The following ATP1A3 variants were observed in gnomAD, a reference collection of about 807,000 sequenced individuals.
ATP1A3 encodes the protein sodium/potassium-transporting ATPase subunit alpha-3.
ATP1A3 carries 12 observed loss-of-function variants against 108.8 expected under a neutral mutation model. That is an observed-to-expected ratio of 0.11 (90% confidence interval 0.07 to 0.18). ATP1A3 has a LOEUF of 0.18. Ranked by LOEUF, ATP1A3 falls within the 10% of genes least tolerant of loss-of-function variation. The pLI is 1.00. For synonymous variants in ATP1A3, 539 were observed against 564.5 expected (o/e 0.95, Z 0.64); for missense variants, 498 against 1,387.7 (o/e 0.36, Z 10.19).
chr19:41,967,925 G>A lies in ATP1A3; in HGVS notation c.2820-162C>T, dbSNP rs1483182688. On this transcript the variant is annotated intron_variant, in intron 20 of 22. Transcript: ENST00000648268. This position sits in a 1 kb window ranked among gnomAD's most constrained non-coding sequence, Gnocchi z 4.2. ...GGGAGAGACAGAGATGGGGAGACAT[G>A]CCCCGACAGAGAGAGACAAAGATAG... 6.6e-6 allele frequency among the ~76,000 whole-genome samples: 1 copy of A among 151,938 alleles called. No homozygotes were observed. Among genetic ancestry groups the A allele is most frequent in the Non-Finnish European group, 1.5e-5 (1 of 67,976 alleles).
rs541464159 is a variant in ATP1A3, at chr19:41,970,325, G to A, written c.2419-17C>T. 7.2e-5 allele frequency: 117 copies of A among 1,614,168 alleles called. No individual in the cohort carries two copies. The highest frequency in any genetic ancestry group is 3.6e-4 in the East Asian group (16 of 44,868). ...GGCAGGGACCTAGGCGGAGGAGGCC[G>A]GGTGAGCCGGAGAGGGGAGGACTCC... On this transcript the variant is annotated splice_polypyrimidine_tract_variant and intron_variant, in intron 17 of 22. Transcript: ENST00000648268.
intron 4 of ATP1A3, 195 bp from the exon 5 acceptor site, chr19:41,986,424 T>C: frequency 1.9e-6 from 1 of 537,350 alleles, no homozygotes; most frequent in Non-Finnish European, 3.4e-6. Flanking sequence ...TCTGTAATGG[T>C]TGTGTTTGAA....
chr19:41,976,029 C>T (rs1467573792), intron 15 of ATP1A3, among the ~76,000 whole-genome samples: 1 of 149,790 alleles, frequency 6.7e-6, no homozygotes, highest in Non-Finnish European at 1.5e-5. Flanking sequence ...TCCAGGCCCC[C>T]AGCCTCCTTC....
At position 41,985,806 on chromosome 19, in the gene ATP1A3, G is replaced by C. The variant is rs1156485673; in HGVS notation, c.606+58C>G. 35 of 1,605,112 alleles carry C rather than the reference G, an allele frequency of 2.2e-5. No individual in the cohort carries two copies. In the Admixed American group the frequency reaches 5.7e-4, roughly 26 times the overall value. On this transcript the variant is annotated intron_variant, in intron 6 of 22. Coordinates refer to ENST00000648268, the MANE Select transcript of ATP1A3 (RefSeq NM_152296.5). The surrounding 1 kb of genome is among the most constrained non-coding windows in gnomAD (Gnocchi z 8.2). ...CTGAGTGTGAGGGAGGAGGGGCTGG[G>C]CCTGAGCTCCTGGGCAGCCCGAGGG...
In ATP1A3 at chr19:41,988,655, C is replaced by T; in HGVS notation, c.7-93G>A. 6.2e-7 allele frequency: 1 copy of T among 1,606,924 alleles called. No homozygotes were observed. The highest frequency in any genetic ancestry group is 1.1e-5 in the South Asian group (1 of 90,952). On this transcript the variant is annotated intron_variant, in intron 1 of 22. Coordinates refer to ENST00000648268, the MANE Select transcript of ATP1A3 (RefSeq NM_152296.5). The surrounding 1 kb of genome is among the most constrained non-coding windows in gnomAD (Gnocchi z 5.3). ...CACCGGCCCTCCATGCCCCAGCTAT[C>T]CTCCTGGCCGGTGCCCCTGCATCTC...
At position 41,970,381 on chromosome 19, in the gene ATP1A3, G is replaced by T. The variant is rs782097468; in HGVS notation, c.2418+7C>A. ...CCTGGGCCCCAAGGGTGGCTGCCAG[G>T]GCTCACCATGTCAGTGCCCAGATCG... On this transcript the variant is annotated splice_region_variant and intron_variant, in intron 17 of 22. Transcript: ENST00000648268. 4 of 1,614,252 alleles carry T rather than the reference G, an allele frequency of 2.5e-6. No individual in the cohort carries two copies. The highest frequency in any genetic ancestry group is 3.4e-6 in the Non-Finnish European group (4 of 1,180,046).
rs1300902594 is a variant in ATP1A3, at chr19:41,967,871, A to G, written c.2820-108T>C. ...TGCAGACACCCAGAGACAGCAGCAC[A>G]GACACAGAGACAGAGAGGCAGAGAC... On this transcript the variant is annotated intron_variant, in intron 20 of 22. Coordinates refer to ENST00000648268, the MANE Select transcript of ATP1A3 (RefSeq NM_152296.5). This position sits in a 1 kb window ranked among gnomAD's most constrained non-coding sequence, Gnocchi z 4.2. 4 of 896,876 alleles carry G rather than the reference A, an allele frequency of 4.5e-6. No individual in the cohort carries two copies. The highest frequency in any genetic ancestry group is 7.3e-6 in the Non-Finnish European group (4 of 548,624). The allele number at this position is 896,876 out of a possible 1,614,324, so 55.6% of individuals were successfully genotyped here.
intron 1 of ATP1A3, among the ~76,000 whole-genome samples, chr19:41,989,564 C>T (rs959311915): frequency 1.3e-5 from 2 of 152,160 alleles, no homozygotes; most frequent in African/African-American, 2.4e-5. Flanking sequence ...CGTGATCCGC[C>T]CGTCTCGGCC....
chr19:41,975,882 C>T, intron 15 of ATP1A3, 85 bp from the exon 16 acceptor site: 2 of 1,569,828 alleles, frequency 1.3e-6, no homozygotes, highest in Non-Finnish European at 1.8e-6. Context: ...GGACCCCAGC[C>T]CCCTCCTCCT....
intron 1 of ATP1A3, among the ~76,000 whole-genome samples, chr19:41,991,445 G>T (rs1332476567): frequency 2.6e-5 from 4 of 152,194 alleles, no homozygotes; most frequent in African/African-American, 9.7e-5. Context: ...GGGACGGGGA[G>T]ACCATCTTTC....
At chr19:41,991,075 G>A (rs1555867154) in intron 1 of ATP1A3, 1 of 152,400 alleles carries the variant, frequency 6.6e-6, no homozygotes, top group Non-Finnish European at 1.5e-5. Flanking sequence ...AGTCCCTGAA[G>A]TTCCAGTTTG....
In ATP1A3 at chr19:41,978,094, G is replaced by C. The variant is rs781964931; in HGVS notation, c.1807-22C>G. 1 of 1,614,212 alleles carries C rather than the reference G, an allele frequency of 6.2e-7. No individual in the cohort carries two copies. The highest frequency in any genetic ancestry group is 1.1e-5 in the South Asian group (1 of 91,092). On this transcript the variant is annotated intron_variant, in intron 13 of 22. Coordinates refer to ENST00000648268, the MANE Select transcript of ATP1A3 (RefSeq NM_152296.5). The surrounding 1 kb of genome is among the most constrained non-coding windows in gnomAD (Gnocchi z 8.3). Reference sequence around the variant, plus strand: ...TGACCTGCAGGCATTGTTTTTTAGGGATGGCCTCTCCCGCCCCACGCCTGG... The same window carrying C: ...TGACCTGCAGGCATTGTTTTTTAGGCATGGCCTCTCCCGCCCCACGCCTGG...
At chr19:41,986,744 T>C (rs1340117287) in intron 4 of ATP1A3, 53 of 158,554 alleles carry the variant, frequency 3.3e-4, no homozygotes, top group Non-Finnish European at 6.4e-4. Flanking sequence ...CTGGCATTTT[T>C]TTTTTTTTTT....
rs1555865348 is a variant in ATP1A3 at position 41,986,108 on chromosome 19, C to G, written c.471+8G>C. ...CCCCCGTCTGGCCCCTTGCTGGGCA[C>G]CCTTCACCTGGGGCACCATGTTCTT... On this transcript the variant is annotated splice_region_variant and intron_variant, in intron 5 of 22. Transcript: ENST00000648268. The G allele has an allele frequency of 6.2e-7, 1 of 1,614,170 alleles. No homozygotes were observed. The highest frequency in any genetic ancestry group is 1.1e-5 in the South Asian group (1 of 91,088).
chr19:41,982,032 G>A lies in ATP1A3; in HGVS notation c.1068C>T (p.Thr356=). The A allele has an allele frequency of 6.2e-7, 1 of 1,614,194 alleles. No homozygotes were observed. The highest frequency in any genetic ancestry group is 1.1e-5 in the South Asian group (1 of 91,076). Residue 356 remains threonine, a synonymous_variant, in exon 9 of 23, where the codon ACC becomes ACT. Transcript: ENST00000648268. ...AGCAGATGGTGGACGTGGAGCCCAG[G>A]GTTTCTACAGCCTCCAGGTTCTTCA... ...CLVKNLEAVE[T]LGSTSTICSD...
In ATP1A3 at chr19:41,970,132, C is replaced by A. The variant is rs896001423; in HGVS notation, c.2542+53G>T. ...CCAAGCACCCACGGTGGGCCAGGCA[C>A]TGCTCTAGGCCCGGCACTGGGTGGT... is the stretch of plus-strand genomic sequence containing the variant. On this transcript the variant is annotated intron_variant, in intron 18 of 22. Transcript: ENST00000648268. 14 of 1,613,926 alleles carry A rather than the reference C, an allele frequency of 8.7e-6. No homozygotes were observed. The Admixed American group carries it at 1.0e-4, about 12-fold the overall frequency.
chr19:41,974,629 A>G (rs1391977561), intron 16 of ATP1A3, among the ~76,000 whole-genome samples: 1 of 152,222 alleles, frequency 6.6e-6, no homozygotes, highest in Non-Finnish European at 1.5e-5. Flanking sequence ...TAGGAGAGAG[A>G]AATTGGAAGA....
chr19:41,985,500 C>T lies in ATP1A3; in HGVS notation c.607-77G>A, dbSNP rs1832086127. 7.1e-7 allele frequency: 1 copy of T among 1,404,012 alleles called. No individual in the cohort carries two copies. Among genetic ancestry groups the T allele is most frequent in the Non-Finnish European group, 1.0e-6 (1 of 991,234 alleles). The allele number at this position is 1,404,012 out of a possible 1,614,324, so 87.0% of individuals were successfully genotyped here. ...GGGTATTTGTGTACAGGGCTTGGGG[C>T]TGAAGCCTGTGTGCCTGGAGATCAC... On this transcript the variant is annotated intron_variant, in intron 6 of 22. Coordinates refer to ENST00000648268, the MANE Select transcript of ATP1A3 (RefSeq NM_152296.5). This position sits in a 1 kb window ranked among gnomAD's most constrained non-coding sequence, Gnocchi z 8.2.
Position 41,988,929 on chromosome 19 carries a change from G to A in ATP1A3, c.7-367C>T, listed in dbSNP as rs1418381122. Among the ~76,000 whole-genome samples the A allele has an allele frequency of 6.6e-6, 1 of 152,086 alleles. No homozygotes were observed. Among genetic ancestry groups the A allele is most frequent in the Non-Finnish European group, 1.5e-5 (1 of 68,010 alleles). ...TCTTTGCGGGGCTCTCCCCTTTTGT[G>A]TTCTGTGTCTATGTGACTTTGTTTT... On this transcript the variant is annotated intron_variant, in intron 1 of 22. Coordinates refer to ENST00000648268, the MANE Select transcript of ATP1A3 (RefSeq NM_152296.5). The surrounding 1 kb of genome is among the most constrained non-coding windows in gnomAD (Gnocchi z 5.3).
Sources: allele counts gnomAD v4.1 joint callset (sites outside exome capture counted in the v4.1 genomes callset), GRCh38; gene constraint gnomAD v4.1.1; non-coding constraint Gnocchi (gnomAD v3.1); transcripts MANE v1.5; gene names NCBI Gene and HGNC (gene_info 2026-07-23, HGNC 2026-07-21).